Variants in ANKRD6 observed in about 807,000 individuals in gnomAD.
The protein encoded by ANKRD6 is ankyrin repeat domain-containing protein 6.
A neutral mutation model predicts 82.3 loss-of-function variants in ANKRD6; 56 were observed. That is an observed-to-expected ratio of 0.68 (90% confidence interval 0.55 to 0.85). The LOEUF (loss-of-function observed/expected upper bound fraction) is 0.85, where lower values mean the gene tolerates loss of function less well. Ranked by LOEUF, ANKRD6 falls within the 40% of genes least tolerant of loss-of-function variation. ANKRD6 has a pLI of 0.00. For synonymous variants in ANKRD6, 347 were observed against 352.1 expected, an observed-to-expected ratio of 0.99 and a Z score of 0.16; for missense variants, 852 against 907.6, an observed-to-expected ratio of 0.94 and a Z score of 0.79.
chr6:89,526,305 G>A (rs1409468760), intron 1 of ANKRD6, among the ~76,000 whole-genome samples: 1 of 152,110 alleles, frequency 6.6e-6, no homozygotes, highest in Non-Finnish European at 1.5e-5. Context: ...TGACATCCAG[G>A]GAGCCACAAA....
chr6:89,460,689 G>A (rs796870423), intron 1 of ANKRD6, among the ~76,000 whole-genome samples: 8 of 152,016 alleles, frequency 5.3e-5, no homozygotes, highest in African/African-American at 1.7e-4. Flanking sequence ...GGCTGTCTTG[G>A]CCTCCCAAAG....
chr6:89,462,233 AAAT>A lies in ANKRD6; in HGVS notation c.-144+28894_-144+28896del, dbSNP rs200608840. Among the ~76,000 whole-genome samples the A allele has an allele frequency of 2.1e-3, 220 of 106,024 alleles. 1 individual carries two copies. The highest frequency in any genetic ancestry group is 9.6e-3 in the Middle Eastern group (2 of 208). 69.6% of individuals were successfully genotyped at this position (106,024 alleles called of 152,430 possible). ...GGCAACAGAGTGAGACTCCATCTCA[AAAT>A]AATAATAATAATAATAATAATAATA... is the stretch of plus-strand genomic sequence containing the variant. On this transcript the variant is annotated intron_variant, in intron 1 of 15. Coordinates refer to ENST00000339746, the MANE Select transcript of ANKRD6 (RefSeq NM_001242809.2).
At chr6:89,483,474 T>G (rs367933119) in intron 1 of ANKRD6, 1 of 152,302 alleles carries the variant, frequency 6.6e-6, no homozygotes, top group East Asian at 1.9e-4. Flanking sequence ...CCCTCCCGCC[T>G]TCCCACACAA....
At chr6:89,543,020 C>T (rs1784611632) in intron 1 of ANKRD6, among the ~76,000 whole-genome samples, 1 of 152,088 alleles carries the variant, frequency 6.6e-6, no homozygotes, top group Admixed American at 6.5e-5. Context: ...TTAAAAATTG[C>T]CAAATGTCTG....
At chr6:89,479,151 A>G (rs1050627434) in intron 1 of ANKRD6, among the ~76,000 whole-genome samples, 1 of 152,172 alleles carries the variant, frequency 6.6e-6, no homozygotes, top group African/African-American at 2.4e-5. Context: ...GGGTTGTGCA[A>G]TTTTGGGCGA....
At chr6:89,526,991 C>G (rs1782569597) in intron 1 of ANKRD6, among the ~76,000 whole-genome samples, 1 of 152,186 alleles carries the variant, frequency 6.6e-6, no homozygotes, top group African/African-American at 2.4e-5. Flanking sequence ...TTAAGTCCAG[C>G]AATTCAAATG....
At chr6:89,600,235 A>G (rs1447990930) in intron 3 of ANKRD6, among the ~76,000 whole-genome samples, 1 of 152,214 alleles carries the variant, frequency 6.6e-6, no homozygotes, top group Non-Finnish European at 1.5e-5. Flanking sequence ...AAAGCAAGTA[A>G]TAAATAACTT....
At chr6:89,563,297 G>A (rs1260793988) in intron 1 of ANKRD6, among the ~76,000 whole-genome samples, 1 of 152,188 alleles carries the variant, frequency 6.6e-6, no homozygotes, top group Admixed American at 6.5e-5. Flanking sequence ...TGGGGCAGTG[G>A]GCTGGGAGGA....
At chr6:89,567,185 A>C in intron 2 of ANKRD6, 89 bp downstream of exon 2, 1 of 1,482,626 alleles carries the variant, frequency 6.7e-7, no homozygotes, top group Admixed American at 2.3e-5. Flanking sequence ...TTTGGTTCAC[A>C]GCTTTCAAAG....
At position 89,632,966 on chromosome 6, in the gene ANKRD6, C is replaced by G. The variant is rs962406276; in HGVS notation, c.*1962C>G. 45 of 152,180 alleles carry G rather than the reference C, an allele frequency of 3.0e-4. 1 individual carries two copies. Among genetic ancestry groups the G allele is most frequent in the Non-Finnish European group, 4.4e-5 (3 of 68,046 alleles). The allele number at this position is 152,180 out of a possible 1,614,324, so 9.4% of individuals were successfully genotyped here. On this transcript the variant is annotated 3_prime_UTR_variant, in exon 16 of 16. Transcript: ENST00000339746. ...CACTTACCAAAATATCTCCTATTAC[C>G]TCAAGGTATCCTTGTTGAGGAATGC...
chr6:89,469,604 A>G (rs1262944254), intron 1 of ANKRD6, among the ~76,000 whole-genome samples: 1 of 152,186 alleles, frequency 6.6e-6, no homozygotes, highest in African/African-American at 2.4e-5. Flanking sequence ...ATATCTGTGC[A>G]GAGAAATCTG....
intron 2 of ANKRD6, among the ~76,000 whole-genome samples, chr6:89,573,365 T>C (rs7753836): frequency 0.35 from 53,726 of 152,108 alleles, 9,724 homozygotes; most frequent in South Asian, 0.59. Flanking sequence ...ATCTACTATC[T>C]GATAACTCTG....
chr6:89,517,869 C>G (rs1301675237), intron 1 of ANKRD6, among the ~76,000 whole-genome samples: 1 of 152,208 alleles, frequency 6.6e-6, no homozygotes, highest in African/African-American at 2.4e-5. Flanking sequence ...GTCATGGGAT[C>G]TTACCAGTCA....
intron 5 of ANKRD6, 109 bp from the exon 6 acceptor site, chr6:89,612,163 T>C: frequency 1.1e-6 from 1 of 931,234 alleles, no homozygotes. Context: ...AGGCAGAGAA[T>C]GTGAGCGTTG....
chr6:89,553,604 C>G (rs552301887), intron 1 of ANKRD6, among the ~76,000 whole-genome samples: 1 of 152,226 alleles, frequency 6.6e-6, no homozygotes, highest in African/African-American at 2.4e-5. Flanking sequence ...GCTTATGGTG[C>G]AGAATTGGAA....
Position 89,630,409 on chromosome 6 carries a change from CGTTT to C in ANKRD6, c.1613-19_1613-16del. The C allele has an allele frequency of 6.3e-7, 1 of 1,592,454 alleles. No homozygotes were observed. Among genetic ancestry groups the C allele is most frequent in the Non-Finnish European group, 8.6e-7 (1 of 1,168,924 alleles). The stretch of plus-strand genomic sequence containing the variant: ...CTGTGTGAATGTGGATTTGCTCTCA[CGTTT>C]GTTTTCCTTCTGAAACCAGGTGTGG... On this transcript the variant is annotated intron_variant, in intron 15 of 15. Transcript: ENST00000339746.
chr6:89,470,804 C>T (rs535826892), intron 1 of ANKRD6, among the ~76,000 whole-genome samples: 96 of 152,054 alleles, frequency 6.3e-4, no homozygotes, highest in African/African-American at 2.2e-3. Flanking sequence ...GAAGTGAAAT[C>T]GCTGGGTCAA....
chr6:89,446,840 T>C (rs1159134600), intron 1 of ANKRD6, among the ~76,000 whole-genome samples: 1 of 152,174 alleles, frequency 6.6e-6, no homozygotes, highest in South Asian at 2.1e-4. Flanking sequence ...TGATAGTGAG[T>C]TCTCACGAGA....
At chr6:89,578,935 A>C (rs192679280) in intron 2 of ANKRD6, among the ~76,000 whole-genome samples, 2 of 152,284 alleles carry the variant, frequency 1.3e-5, no homozygotes, top group Non-Finnish European at 2.9e-5. Flanking sequence ...GCACCTCCAT[A>C]GTCCTTGCCC....
Sources: gnomAD v4.1 joint callset for allele counts (sites outside exome capture counted in the v4.1 genomes callset) on GRCh38, gnomAD v4.1.1 for gene constraint, MANE v1.5 for transcripts, NCBI Gene and HGNC (gene_info 2026-07-23, HGNC 2026-07-21) for gene names.